The following DSG2 variants were observed in gnomAD, a reference collection of about 807,000 sequenced individuals.
DSG2 encodes the protein desmoglein-2.
A neutral mutation model predicts 75.6 loss-of-function variants in DSG2; 45 were observed. That is an observed-to-expected ratio of 0.60 (90% CI 0.47 to 0.76). The LOEUF (loss-of-function observed/expected upper bound fraction) is 0.76. DSG2 is among the 30% of genes least tolerant of loss of function. DSG2 has a pLI of 0.00. For missense variants in DSG2, 1,267 were observed against 1,357.4 expected (o/e 0.93, Z 1.05); for synonymous variants, 429 against 483.9 (o/e 0.89, Z 1.49).
rs1304173482 is a variant in DSG2, at chr18:31,542,814, G to A, written c.2296G>A (p.Ala766Thr). ...GGCCGGAGCTCAGGCAGCTGCTGTT[G>A]CACTGAACGAAGAATTCTTAAGAAA... The part of the protein sequence containing the change: ...DMAGAQAAAV[A>T]LNEEFLRNYF... The change falls in exon 14 of 15, where the codon GCA (alanine) becomes ACA (threonine). Residue 766 changes from alanine to threonine, a missense_variant. Ala to Thr is a moderately conservative substitution (Grantham distance 58). Coordinates refer to ENST00000261590, the MANE Select transcript of DSG2 (RefSeq NM_001943.5). The A allele has an allele frequency of 1.9e-6, 3 of 1,572,642 alleles. No homozygotes were observed. In the African/African-American group the frequency reaches 4.2e-5, roughly 22 times the overall value.
intron 1 of DSG2, among the ~76,000 whole-genome samples, chr18:31,499,332 G>C (rs1384174757): frequency 2.0e-5 from 3 of 150,140 alleles, no homozygotes; most frequent in Non-Finnish European, 2.9e-5. Flanking sequence ...CTATCCTCGA[G>C]TTTTGGTGGG....
intron 6 of DSG2, among the ~76,000 whole-genome samples, chr18:31,523,376 G>A (rs141101674): frequency 0.02 from 2,995 of 152,190 alleles, 37 homozygotes; most frequent in Non-Finnish European, 0.029. Flanking sequence ...ACTCCAGCCT[G>A]GGCAACAGAG....
intron 1 of DSG2, among the ~76,000 whole-genome samples, chr18:31,516,216 C>T (rs538272317): frequency 6.6e-4 from 100 of 151,706 alleles, no homozygotes; most frequent in South Asian, 4.2e-3. Context: ...ATTGATTAGC[C>T]AATGGAGAAG....
chr18:31,535,409 G>C lies in DSG2; in HGVS notation c.1420G>C (p.Glu474Gln). The C allele has an allele frequency of 6.2e-7, 1 of 1,606,798 alleles. No homozygotes were observed. Among genetic ancestry groups the C allele is most frequent in the South Asian group, 1.1e-5 (1 of 90,590 alleles). Residue 474 changes from glutamate (E) to glutamine (Q), a missense_variant, in exon 10 of 15, where the codon GAA (glutamate) becomes CAA (glutamine). Physicochemically the swap from Glu to Gln is conservative, Grantham distance 29. Transcript: ENST00000261590. ...TYTVKIVAISEDYPRKTITGT... is the reference protein window; with the variant it reads ...TYTVKIVAISQDYPRKTITGT... ...CACTGTAAAGATTGTGGCCATATCA[G>C]AAGGTAAGTTATTAAATAGATCTTT... is the stretch of plus-strand genomic sequence containing the variant.
At position 31,546,456 on chromosome 18, in the gene DSG2, G is replaced by C; in HGVS notation, c.3070G>C (p.Ala1024Pro). 6.2e-7 allele frequency: 1 copy of C among 1,614,148 alleles called. No homozygotes were observed. The highest frequency in any genetic ancestry group is 8.5e-7 in the Non-Finnish European group (1 of 1,179,998). The change falls in exon 15 of 15, where the codon GCC becomes CCC. Residue 1024 changes from alanine to proline, a missense_variant. Physicochemically the swap from Ala to Pro is conservative, Grantham distance 27. Coordinates refer to ENST00000261590, the MANE Select transcript of DSG2 (RefSeq NM_001943.5). ...GGTGAGGGAAAGAGAGAGCTTCCTT[G>C]CCCCCAGCTCAGGTGTGCAGCCTAC... The part of the protein sequence containing the change: ...VMVRERESFL[A>P]PSSGVQPTLA...
chr18:31,524,429 A>G lies in DSG2; in HGVS notation c.691-19A>G, dbSNP rs1208354874. 2 of 1,614,124 alleles carry G rather than the reference A, an allele frequency of 1.2e-6. No individual in the cohort carries two copies. Among genetic ancestry groups the G allele is most frequent in the African/African-American group, 1.3e-5 (1 of 75,062 alleles). ...AGTGACTCTTTTCACCCAGCTGGAC[A>G]TTTTTCATTGCTCTGCAGGAACACA... On this transcript the variant is annotated intron_variant, in intron 6 of 14. Coordinates refer to ENST00000261590, the MANE Select transcript of DSG2 (RefSeq NM_001943.5).
rs1396419983 is a variant in DSG2 at position 31,541,181 on chromosome 18, G to T, written c.1880-12G>T. ...GTTAACCTTATCTGTGTTCAATTTTGTGTCTGTACAGTGGTACCACTTTTA... is the reference window on the plus strand; with the variant it reads ...GTTAACCTTATCTGTGTTCAATTTTTTGTCTGTACAGTGGTACCACTTTTA... On this transcript the variant is annotated splice_polypyrimidine_tract_variant and intron_variant, in intron 12 of 14. Coordinates refer to ENST00000261590, the MANE Select transcript of DSG2 (RefSeq NM_001943.5). 1.2e-6 allele frequency: 2 copies of T among 1,614,016 alleles called. No individual in the cohort carries two copies. The highest frequency in any genetic ancestry group is 2.2e-5 in the South Asian group (2 of 91,088).
chr18:31,512,569 A>C (rs2073072970), intron 1 of DSG2, among the ~76,000 whole-genome samples: 1 of 152,180 alleles, frequency 6.6e-6, no homozygotes, highest in Non-Finnish European at 1.5e-5. Context: ...CCAAACATAA[A>C]AGCTTCCAGT....
Position 31,536,143 on chromosome 18 carries a change from T to C in DSG2, c.1424-59T>C, listed in dbSNP as rs2073228464. 3 of 1,539,142 alleles carry C rather than the reference T, an allele frequency of 1.9e-6. No individual in the cohort carries two copies. In the Admixed American group the frequency reaches 5.1e-5, roughly 26 times the overall value. ...TCCAAATTGGCAAGGGAATTCAAAC[T>C]ATGTCTGTTGTCAGCAATAGGAACA... is the stretch of plus-strand genomic sequence containing the variant. On this transcript the variant is annotated intron_variant, in intron 10 of 14. Coordinates refer to ENST00000261590, the MANE Select transcript of DSG2 (RefSeq NM_001943.5).
In DSG2 at chr18:31,522,232, G is replaced by A; in HGVS notation, c.673G>A (p.Val225Ile). The change falls in exon 6 of 15, where the codon GTT becomes ATT. Residue 225 changes from valine (V) to isoleucine (I), a missense_variant. By Grantham distance (29) the Val-to-Ile change is conservative (BLOSUM62 3). Coordinates refer to ENST00000261590, the MANE Select transcript of DSG2 (RefSeq NM_001943.5). ...KDTGEIYTTS[V>I]TLDREEHSSY... ...TACAGGAGAGATTTATACAACCAGT[G>A]TTACCTTGGACAGAGAGGTAAGTTA... 1 of 1,613,610 alleles carries A rather than the reference G, an allele frequency of 6.2e-7. No homozygotes were observed. The highest frequency in any genetic ancestry group is 8.5e-7 in the Non-Finnish European group (1 of 1,179,654).
At chr18:31,535,217 G>A in intron 9 of DSG2, 53 bp from the exon 10 acceptor site, 5 of 1,196,016 alleles carry the variant, frequency 4.2e-6, no homozygotes, top group Non-Finnish European at 6.1e-6. Flanking sequence ...AGATGTTAGA[G>A]GTTTCCAATT....
intron 9 of DSG2, among the ~76,000 whole-genome samples, chr18:31,532,375 C>G (rs533200182): frequency 1.3e-5 from 2 of 152,142 alleles, no homozygotes; most frequent in Admixed American, 1.3e-4. Context: ...ACCAAAGGCC[C>G]CACCTCTTAA....
intron 14 of DSG2, among the ~76,000 whole-genome samples, chr18:31,545,071 T>G (rs2073295727): frequency 6.6e-6 from 1 of 152,224 alleles, no homozygotes; most frequent in Non-Finnish European, 1.5e-5. Flanking sequence ...TGGCCTTTCC[T>G]GTCTCACTGC....
At chr18:31,509,692 A>T (rs1302464714) in intron 1 of DSG2, among the ~76,000 whole-genome samples, 1 of 152,220 alleles carries the variant, frequency 6.6e-6, no homozygotes, top group Non-Finnish European at 1.5e-5. Flanking sequence ...CCCACGTCAG[A>T]TTTATCAGAG....
At chr18:31,542,007 C>A (rs532223485) in intron 13 of DSG2, 31 of 191,330 alleles carry the variant, frequency 1.6e-4, no homozygotes, top group Admixed American at 1.1e-3. Flanking sequence ...AGCTGCCGTC[C>A]CCACATTCTA....
chr18:31,535,836 C>CCTGTAGTCCTGTGCTTGTGCCTG, intron 10 of DSG2, among the ~76,000 whole-genome samples: 1 of 151,708 alleles, frequency 6.6e-6, no homozygotes, highest in South Asian at 2.1e-4. Context: ...GTAGTCCCAG[C>CCTGTAGTCCTGTGCTTGTGCCTG]TACTCAGGCA....
rs766053352 is a variant in DSG2, at chr18:31,536,390, C to G, written c.1612C>G (p.Pro538Ala). Residue 538 changes from proline to alanine, a missense_variant, in exon 11 of 15, where the codon CCT becomes GCT. By Grantham distance (27) the Pro-to-Ala change is conservative (BLOSUM62 -1). Coordinates refer to ENST00000261590, the MANE Select transcript of DSG2 (RefSeq NM_001943.5). ...CAGTTTCTCCGTCATTGACAAACCACCTGGCATGGCAGAAAAATGGAAAAT... is the reference window on the plus strand; with the variant it reads ...CAGTTTCTCCGTCATTGACAAACCAGCTGGCATGGCAGAAAAATGGAAAAT... ...PFSFSVIDKP[P>A]GMAEKWKIAR... is the part of the protein sequence containing the mutation. 3 of 1,614,080 alleles carry G rather than the reference C, an allele frequency of 1.9e-6. No individual in the cohort carries two copies. Among genetic ancestry groups the G allele is most frequent in the Non-Finnish European group, 2.5e-6 (3 of 1,180,020 alleles).
intron 1 of DSG2, among the ~76,000 whole-genome samples, chr18:31,499,586 G>A (rs1343438328): frequency 6.6e-6 from 1 of 152,134 alleles, no homozygotes; most frequent in Non-Finnish European, 1.5e-5. Context: ...TCTAAGACGT[G>A]ATCTGGGACG....
intron 9 of DSG2, among the ~76,000 whole-genome samples, chr18:31,534,522 T>C (rs2073216797): frequency 6.7e-6 from 1 of 148,798 alleles, no homozygotes; most frequent in South Asian, 2.2e-4. Flanking sequence ...TTTTTTTTTT[T>C]TTTTTTGAGA....
Sources: gnomAD v4.1 joint callset for allele counts (sites outside exome capture counted in the v4.1 genomes callset) on GRCh38, gnomAD v4.1.1 for gene constraint, MANE v1.5 for transcripts, NCBI Gene and HGNC (gene_info 2026-07-23, HGNC 2026-07-21) for gene names.